TBL1X: variants seen among roughly 807,000 people sequenced by gnomAD.
TBL1X encodes the protein F-box-like/WD repeat-containing protein TBL1X.
Under a neutral mutation model 50.7 loss-of-function variants are expected in TBL1X, and 10 were observed. The observed-to-expected ratio is 0.20, with a 90% CI of 0.12 to 0.33. The LOEUF (loss-of-function observed/expected upper bound fraction) is 0.33. Among genes scored for constraint, TBL1X ranks in the 10% least tolerant of loss-of-function variants. The pLI, the probability that TBL1X is intolerant of heterozygous loss-of-function variation, is 1.00. For synonymous variants in TBL1X, 190 were observed against 214.7 expected (o/e 0.88, Z 1.01); for missense variants, 340 against 504.4 (o/e 0.67, Z 3.12).
intron 2 of TBL1X, among the ~76,000 whole-genome samples, chrX:9,568,653 T>C (rs1479918538): frequency 1.9e-5 from 2 of 105,423 alleles, no homozygotes; most frequent in African/African-American, 7.0e-5. Context: ...GTGCTATGTG[T>C]ATGTCGTGTC....
intron 2 of TBL1X, among the ~76,000 whole-genome samples, chrX:9,624,862 T>C (rs918399945): frequency 1.6e-4 from 18 of 112,470 alleles, no homozygotes; most frequent in African/African-American, 5.8e-4. Context: ...AAAAAAAAAT[T>C]TAAGAATTTT....
At chrX:9,493,306 A>T (rs1279009896) in intron 1 of TBL1X, among the ~76,000 whole-genome samples, 3 of 111,722 alleles carry the variant, frequency 2.7e-5, no homozygotes, top group African/African-American at 9.8e-5. Flanking sequence ...AGGAAGTCTA[A>T]CTTCTTGCAG....
chrX:9,608,268 T>C (rs780150260), intron 2 of TBL1X, among the ~76,000 whole-genome samples: 16 of 111,825 alleles, frequency 1.4e-4, no homozygotes, highest in Non-Finnish European at 2.4e-4. Flanking sequence ...CCTTGACCAC[T>C]GGGTTTAGGT....
At chrX:9,543,658 G>A (rs2082226767) in intron 2 of TBL1X, among the ~76,000 whole-genome samples, 1 of 112,112 alleles carries the variant, frequency 8.9e-6, no homozygotes, top group South Asian at 3.7e-4. Flanking sequence ...TCCAAACCAT[G>A]TGTGGGACTC....
intron 13 of TBL1X, 107 bp from the exon 14 acceptor site, chrX:9,709,141 G>T (rs1010805076): frequency 3.0e-5 from 23 of 776,158 alleles, no homozygotes; most frequent in Non-Finnish European, 3.8e-5. Flanking sequence ...GGCTGAAGCC[G>T]AAGACCTTCT....
intron 2 of TBL1X, among the ~76,000 whole-genome samples, chrX:9,570,957 G>A (rs112577525): frequency 0.077 from 8,647 of 111,588 alleles, 279 homozygotes; most frequent in Middle Eastern, 0.12. Context: ...GATTACAGGC[G>A]TGAGCCACCG....
chrX:9,483,856 C>T (rs1445468617), intron 1 of TBL1X, among the ~76,000 whole-genome samples: 1 of 110,768 alleles, frequency 9.0e-6, no homozygotes, highest in Non-Finnish European at 1.9e-5. Context: ...CACTTTTCAG[C>T]TGTCCATACG....
At chrX:9,481,483 G>T (rs946638147) in intron 1 of TBL1X, among the ~76,000 whole-genome samples, 1 of 112,280 alleles carries the variant, frequency 8.9e-6, no homozygotes, top group African/African-American at 3.2e-5. Flanking sequence ...AATTTATGAT[G>T]TTATAGTTGT....
intron 13 of TBL1X, 31 bp downstream of exon 13, chrX:9,705,145 G>A (rs754371918): frequency 1.2e-5 from 14 of 1,211,225 alleles, no homozygotes; most frequent in Non-Finnish European, 1.1e-5. Context: ...CTGGTCTCGA[G>A]TTTGTGAGAA....
chrX:9,580,717 G>A (rs928549960), intron 2 of TBL1X, among the ~76,000 whole-genome samples: 1 of 111,438 alleles, frequency 9.0e-6, no homozygotes, highest in African/African-American at 3.3e-5. Flanking sequence ...CAGGGGGAAG[G>A]GGGGGTGCTT....
chrX:9,531,354 G>GGTGTGTGTGTGTGTGTGTGTGT (rs57905343), intron 2 of TBL1X, among the ~76,000 whole-genome samples: 7 of 75,211 alleles, frequency 9.3e-5, no homozygotes, highest in Non-Finnish European at 1.8e-4. Flanking sequence ...GAACCTGGAG[G>GGTGTGTGTGTGTGTGTGTGTGT]GTGTGTGTGT....
intron 3 of TBL1X, among the ~76,000 whole-genome samples, chrX:9,642,338 A>G (rs993433524): frequency 9.0e-6 from 1 of 111,357 alleles, no homozygotes; most frequent in Non-Finnish European, 1.9e-5. Flanking sequence ...ATGGTACTCT[A>G]TTGCTGTAGT....
At chrX:9,581,247 T>C (rs1294456771) in intron 2 of TBL1X, among the ~76,000 whole-genome samples, 1 of 112,342 alleles carries the variant, frequency 8.9e-6, no homozygotes, top group Non-Finnish European at 1.9e-5. Flanking sequence ...TTTGCCTTCC[T>C]GAAAGGCCAT....
At chrX:9,687,119 C>G (rs1027876599) in intron 6 of TBL1X, among the ~76,000 whole-genome samples, 6 of 112,303 alleles carry the variant, frequency 5.3e-5, no homozygotes, top group African/African-American at 1.3e-4. Flanking sequence ...TGAGGTTCAC[C>G]TGATTCGAAT....
intron 2 of TBL1X, among the ~76,000 whole-genome samples, chrX:9,570,596 C>T (rs187377242): frequency 2.7e-4 from 30 of 110,573 alleles, no homozygotes; most frequent in Non-Finnish European, 3.6e-4. Flanking sequence ...GGCTCTGGCT[C>T]TTATCCCAAA....
intron 2 of TBL1X, among the ~76,000 whole-genome samples, chrX:9,550,495 A>C (rs2082265499): frequency 8.9e-6 from 1 of 112,180 alleles, no homozygotes; most frequent in Non-Finnish European, 1.9e-5. Flanking sequence ...AAAGCTCCCG[A>C]AAGAAAGCAA....
intron 2 of TBL1X, among the ~76,000 whole-genome samples, chrX:9,627,887 G>A (rs1286135969): frequency 8.9e-6 from 1 of 111,876 alleles, no homozygotes; most frequent in Non-Finnish European, 1.9e-5. Context: ...GAATAAACAG[G>A]GCTGATGTGA....
At chrX:9,708,998 T>G (rs764342165) in intron 13 of TBL1X, among the ~76,000 whole-genome samples, 29 of 112,368 alleles carry the variant, frequency 2.6e-4, no homozygotes, top group Non-Finnish European at 4.5e-4. Context: ...AGGGAAGGTT[T>G]TTTTCTTAAT....
At chrX:9,592,784 A>T (rs773992417) in intron 2 of TBL1X, among the ~76,000 whole-genome samples, 1 of 112,135 alleles carries the variant, frequency 8.9e-6, no homozygotes, top group South Asian at 3.7e-4. Context: ...CATCCGTGTT[A>T]TAGCATATAT....
Sources: allele counts gnomAD v4.1 joint callset (sites outside exome capture counted in the v4.1 genomes callset), GRCh38; gene constraint gnomAD v4.1.1; transcripts MANE v1.5; gene names NCBI Gene and HGNC (gene_info 2026-07-23, HGNC 2026-07-21).